Variants in PDE3A observed in about 807,000 individuals in gnomAD.
The protein encoded by PDE3A is phosphodiesterase 3A.
In PDE3A, 43 loss-of-function variants were observed where a neutral mutation model predicts 98.3. The observed-to-expected ratio is 0.44, with a 90% CI of 0.34 to 0.56. The LOEUF is 0.56. PDE3A is among the 20% of genes least tolerant of loss of function. PDE3A has a pLI of 0.01. For missense variants in PDE3A, 1,427 were observed against 1,440.7 expected, an observed-to-expected ratio of 0.99 and a Z score of 0.15; for synonymous variants, 663 against 567.9, an observed-to-expected ratio of 1.17 and a Z score of -2.38.
chr12:20,665,950 T>C (rs1356522131), intron 15 of PDE3A, among the ~76,000 whole-genome samples: 2 of 150,408 alleles, frequency 1.3e-5, no homozygotes, highest in African/African-American at 4.9e-5. Flanking sequence ...CCTCGAGTAT[T>C]TGTCATTTCT....
intron 2 of PDE3A, among the ~76,000 whole-genome samples, chr12:20,606,120 A>G (rs1943704443): frequency 6.6e-6 from 1 of 152,200 alleles, no homozygotes; most frequent in Non-Finnish European, 1.5e-5. Flanking sequence ...GAATAAATTT[A>G]TGTTGACCCT....
At chr12:20,461,330 T>C (rs1029273472) in intron 1 of PDE3A, among the ~76,000 whole-genome samples, 2 of 152,056 alleles carry the variant, frequency 1.3e-5, no homozygotes, top group East Asian at 1.9e-4. Context: ...TTTGTACTTA[T>C]ATAAAGTATT....
At chr12:20,393,350 A>C (rs1943953344) in intron 1 of PDE3A, among the ~76,000 whole-genome samples, 1 of 151,958 alleles carries the variant, frequency 6.6e-6, no homozygotes, top group Non-Finnish European at 1.5e-5. Flanking sequence ...TAAAACCATC[A>C]GATCTCATGA....
intron 2 of PDE3A, among the ~76,000 whole-genome samples, chr12:20,569,618 T>G (rs528741426): frequency 6.6e-6 from 1 of 152,274 alleles, no homozygotes; most frequent in South Asian, 2.1e-4. Context: ...AAAAGAAGAA[T>G]ATGTAGCTAA....
intron 1 of PDE3A, among the ~76,000 whole-genome samples, chr12:20,405,473 C>T (rs765643259): frequency 6.6e-6 from 1 of 152,144 alleles, no homozygotes; most frequent in Admixed American, 6.5e-5. Flanking sequence ...GCTTCATTCT[C>T]ATTCACCTGA....
intron 6 of PDE3A, among the ~76,000 whole-genome samples, chr12:20,632,522 T>TAATC (rs1371328347): frequency 1.3e-5 from 2 of 152,218 alleles, no homozygotes; most frequent in Admixed American, 1.3e-4. Context: ...AATCAAAATC[T>TAATC]AATCATGAAG....
At chr12:20,463,879 T>C (rs547212288) in intron 1 of PDE3A, among the ~76,000 whole-genome samples, 12 of 152,304 alleles carry the variant, frequency 7.9e-5, no homozygotes, top group African/African-American at 2.6e-4. Context: ...GTATATGTAT[T>C]GTATATGCGT....
chr12:20,646,347 T>A, intron 10 of PDE3A, 143 bp from the exon 11 acceptor site: 1 of 599,106 alleles, frequency 1.7e-6, no homozygotes, highest in South Asian at 2.2e-5. Flanking sequence ...AGTAATCAAA[T>A]AATATTTGTC....
At chr12:20,528,881 G>A (rs1946573802) in intron 1 of PDE3A, among the ~76,000 whole-genome samples, 1 of 152,092 alleles carries the variant, frequency 6.6e-6, no homozygotes, top group Non-Finnish European at 1.5e-5. Flanking sequence ...ATAGACTCTA[G>A]TTTAGAGAAA....
intron 2 of PDE3A, among the ~76,000 whole-genome samples, chr12:20,570,909 A>G (rs1054522197): frequency 1.3e-5 from 2 of 152,106 alleles, no homozygotes; most frequent in Non-Finnish European, 2.9e-5. Context: ...ATTCCTATGG[A>G]CTAGCAGTAT....
At chr12:20,630,685 G>A (rs11045349) in intron 6 of PDE3A, among the ~76,000 whole-genome samples, 162 of 152,004 alleles carry the variant, frequency 1.1e-3, no homozygotes, top group African/African-American at 3.7e-3. Flanking sequence ...TATCACAGAG[G>A]TTAAGAAAAA....
chr12:20,399,504 G>T (rs1944081548), intron 1 of PDE3A, among the ~76,000 whole-genome samples: 1 of 152,094 alleles, frequency 6.6e-6, no homozygotes, highest in African/African-American at 2.4e-5. Flanking sequence ...AACACATTTA[G>T]CACATTAAGA....
Position 20,568,797 on chromosome 12 carries a change from T to A in PDE3A, c.1011+12087T>A, listed in dbSNP as rs112414447. 8.4e-3 allele frequency among the ~76,000 whole-genome samples: 1,285 copies of A among 152,140 alleles called. 25 individuals carry two copies. Among genetic ancestry groups the A allele is most frequent in the African/African-American group, 0.03 (1,227 of 41,544 alleles). On this transcript the variant is annotated intron_variant, in intron 2 of 15. Transcript: ENST00000359062. ...ATAGATATATACTTCATTAAATTTA[T>A]TTTACTATGTTTGACCTTTTGGGAA...
At chr12:20,603,463 T>C (rs1943641436) in intron 2 of PDE3A, among the ~76,000 whole-genome samples, 1 of 152,234 alleles carries the variant, frequency 6.6e-6, no homozygotes, top group Non-Finnish European at 1.5e-5. Flanking sequence ...AGGACTATTA[T>C]GAGTATTTTG....
At chr12:20,386,404 A>G (rs1943806697) in intron 1 of PDE3A, among the ~76,000 whole-genome samples, 1 of 149,806 alleles carries the variant, frequency 6.7e-6, no homozygotes, top group Non-Finnish European at 1.5e-5. Context: ...GCTTTTTTTC[A>G]TGTTTGTTGG....
At chr12:20,590,240 G>A (rs1943304185) in intron 2 of PDE3A, among the ~76,000 whole-genome samples, 1 of 151,758 alleles carries the variant, frequency 6.6e-6, no homozygotes, top group African/African-American at 2.4e-5. Flanking sequence ...TTCTCTTTCT[G>A]ATTCGGCTTC....
In PDE3A at chr12:20,625,008, G is replaced by A. The variant is rs564845661; in HGVS notation, c.1540+3597G>A. On this transcript the variant is annotated intron_variant, in intron 5 of 15. Transcript: ENST00000359062. ...TGTAGCAGCAATAGGCAATGAGGCG[G>A]AGGGAAAGCGAGTATGAAGTAAGAA... Among the ~76,000 whole-genome samples the A allele has an allele frequency of 8.9e-4, 136 of 152,296 alleles. 1 individual carries two copies. Among genetic ancestry groups the A allele is most frequent in the African/African-American group, 2.4e-3 (100 of 41,564 alleles).
At position 20,630,033 on chromosome 12, in the gene PDE3A, A is replaced by G. The variant is rs1944346820; in HGVS notation, c.1666A>G (p.Lys556Glu). 6.2e-7 allele frequency: 1 copy of G among 1,614,064 alleles called. No individual in the cohort carries two copies. Among genetic ancestry groups the G allele is most frequent in the Non-Finnish European group, 8.5e-7 (1 of 1,179,946 alleles). ...QFPESADTTA[K>E]QSLGSHRALT... The stretch of plus-strand genomic sequence containing the variant: ...TCCAGAATCTGCTGACACAACTGCC[A>G]AACAAAGCCTAGGTTCTCACAGGGC... The change falls in exon 6 of 16, where the codon AAA (lysine) becomes GAA (glutamate). Residue 556 changes from lysine (K) to glutamate (E), a missense_variant. Around this residue, in one of 3 missense-constraint regions of PDE3A, gnomAD observed 1,012 missense variants for 886.5 expected, o/e 1.14. Transcript: ENST00000359062.
chr12:20,570,430 A>AAT, intron 2 of PDE3A, among the ~76,000 whole-genome samples: 1 of 150,328 alleles, frequency 6.7e-6, no homozygotes, highest in Admixed American at 6.6e-5. Flanking sequence ...AAAAAAAAAA[A>AAT]AAAAAAAAGG....
Sources: allele counts gnomAD v4.1 joint callset (sites outside exome capture counted in the v4.1 genomes callset), GRCh38; gene constraint gnomAD v4.1.1; regional missense constraint gnomAD v4.1.1; transcripts MANE v1.5; gene names NCBI Gene and HGNC (gene_info 2026-07-23, HGNC 2026-07-21).